ATP13A2: variants seen among roughly 807,000 people sequenced by gnomAD.
ATP13A2 encodes ATPase cation transporting 13A2.
In ATP13A2, 83 loss-of-function variants were observed where a neutral mutation model predicts 138.3. That is an observed-to-expected ratio of 0.60 (90% CI 0.50 to 0.72). ATP13A2 has a LOEUF of 0.72. ATP13A2 is among the 30% of genes least tolerant of loss of function. The pLI, the probability that ATP13A2 is intolerant of heterozygous loss-of-function variation, is 0.00. For synonymous variants in ATP13A2, 663 were observed against 699.0 expected (o/e 0.95, Z 0.81); for missense variants, 1,402 against 1,606.4 (o/e 0.87, Z 2.17).
chr1:17,006,293 C>T (rs2101149306), intron 1 of ATP13A2, among the ~76,000 whole-genome samples: 1 of 151,030 alleles, frequency 6.6e-6, no homozygotes, highest in African/African-American at 2.4e-5. Flanking sequence ...CTCTGTCACC[C>T]AGGCTGGAGT....
At chr1:16,992,433 G>A in intron 17 of ATP13A2, 31 bp from the exon 18 acceptor site, 1 of 1,613,530 alleles carries the variant, frequency 6.2e-7, no homozygotes, top group Non-Finnish European at 8.5e-7. Flanking sequence ...CTGAGGTGCT[G>A]GCTGGGGAGC....
At chr1:17,006,036 G>A (rs1417039645) in intron 1 of ATP13A2, among the ~76,000 whole-genome samples, 1 of 152,106 alleles carries the variant, frequency 6.6e-6, no homozygotes, top group African/African-American at 2.4e-5. Flanking sequence ...TCAGGAGGCT[G>A]AGGCAGGGGA....
Position 16,989,690 on chromosome 1 carries a change from C to G in ATP13A2, c.2609+1G>C. 6.2e-7 allele frequency: 1 copy of G among 1,614,118 alleles called. No individual in the cohort carries two copies. Among genetic ancestry groups the G allele is most frequent in the Non-Finnish European group, 8.5e-7 (1 of 1,180,030 alleles). On this transcript the variant is annotated splice_donor_variant, in intron 23 of 28. Transcript: ENST00000326735. LOFTEE classifies it high-confidence loss of function. Reference sequence around the variant, plus strand: ...GCCCACACCCTCTGCCGAGCACTCACTGAAGCTTCTGTAGCTCGCACACCA... The same window carrying G: ...GCCCACACCCTCTGCCGAGCACTCAGTGAAGCTTCTGTAGCTCGCACACCA...
rs777106683 is a variant in ATP13A2 at position 17,000,395 on chromosome 1, C to T, written c.840+5G>A. 4 of 1,611,334 alleles carry T rather than the reference C, an allele frequency of 2.5e-6. No individual in the cohort carries two copies. The highest frequency in any genetic ancestry group is 3.4e-6 in the Non-Finnish European group (4 of 1,178,774). On this transcript the variant is annotated splice_donor_5th_base_variant and intron_variant, in intron 9 of 28. Transcript: ENST00000326735. Reference sequence around the variant, plus strand: ...TCCCGTCCCCACCCACCTTATGGCACTCACCTTTCTGGTCTTGTACAGCGA... The same window carrying T: ...TCCCGTCCCCACCCACCTTATGGCATTCACCTTTCTGGTCTTGTACAGCGA...
intron 1 of ATP13A2, 72 bp from the exon 2 acceptor site, chr1:17,005,850 T>A: frequency 6.9e-7 from 1 of 1,444,266 alleles, no homozygotes; most frequent in Non-Finnish European, 9.5e-7. Context: ...ACAATAAACA[T>A]CAGCCTGGGC....
chr1:17,008,511 G>A (rs1403386376), intron 1 of ATP13A2, among the ~76,000 whole-genome samples: 2 of 152,108 alleles, frequency 1.3e-5, no homozygotes, highest in African/African-American at 4.8e-5. Flanking sequence ...TGGACAGGTG[G>A]GCAGGACCCG....
intron 20 of ATP13A2, 30 bp from the exon 21 acceptor site, chr1:16,990,317 G>A (rs2076886523): frequency 6.2e-7 from 1 of 1,613,030 alleles, no homozygotes; most frequent in Non-Finnish European, 8.5e-7. Flanking sequence ...GTGAGGGTCT[G>A]AGGCTATCCG....
chr1:16,987,063 C>T lies in ATP13A2; in HGVS notation c.3066G>A (p.Leu1022=). ...CTACTCACCATGGCTGGGCCAGGGT[C>T]AGGAAGTAGCCCCCTAGCTGCACGC... The part of the protein sequence containing the change: ...VTGVQLGGYF[L]TLAQPWFVPL... Residue 1022 remains leucine, a synonymous_variant, in exon 26 of 29, where the codon CTG becomes CTA. Coordinates refer to ENST00000326735, the MANE Select transcript of ATP13A2 (RefSeq NM_022089.4). 6.2e-7 allele frequency: 1 copy of T among 1,613,460 alleles called. No individual in the cohort carries two copies. The highest frequency in any genetic ancestry group is 1.1e-5 in the South Asian group (1 of 91,082).
In ATP13A2 at chr1:17,004,420, G is replaced by A; in HGVS notation, c.478-9C>T. On this transcript the variant is annotated splice_polypyrimidine_tract_variant and intron_variant, in intron 5 of 28. Coordinates refer to ENST00000326735, the MANE Select transcript of ATP13A2 (RefSeq NM_022089.4). The surrounding 1 kb of genome is among the most constrained non-coding windows in gnomAD (Gnocchi z 4.1). ...TACCGCAGCACCCGCTTCTGGGTGG[G>A]AGAGAGGAGAGGATGGGTTGGAAGC... The A allele has an allele frequency of 6.2e-7, 1 of 1,613,962 alleles. No homozygotes were observed. Among genetic ancestry groups the A allele is most frequent in the Non-Finnish European group, 8.5e-7 (1 of 1,179,928 alleles).
At position 16,986,571 on chromosome 1, in the gene ATP13A2, G is replaced by A. The variant is rs756650754; in HGVS notation, c.3297C>T (p.Pro1099=). ...GCGCCAGCGGCCCCTGCAGGAGGCC[G>A]GGGACCAGGACAAGGCCCACCAGGA... is the stretch of plus-strand genomic sequence containing the variant. The part of the protein sequence containing the change: ...SSVLVGLVLV[P]GLLQGPLALR... Residue 1099 remains proline (P), a synonymous_variant, in exon 28 of 29, where the codon CCC becomes CCT. Transcript: ENST00000326735. The surrounding 1 kb of genome is among the most constrained non-coding windows in gnomAD (Gnocchi z 6.9). The A allele has an allele frequency of 2.9e-5, 46 of 1,611,530 alleles. No homozygotes were observed. Among genetic ancestry groups the A allele is most frequent in the Admixed American group, 1.8e-4 (11 of 59,972 alleles).
intron 11 of ATP13A2, among the ~76,000 whole-genome samples, chr1:16,999,253 A>G (rs2077253101): frequency 6.6e-6 from 1 of 151,840 alleles, no homozygotes; most frequent in African/African-American, 2.4e-5. Context: ...GGTGGCGCAC[A>G]CCTGTAATCC....
At position 16,995,557 on chromosome 1, in the gene ATP13A2, C is replaced by T; in HGVS notation, c.1542+419G>A. On this transcript the variant is annotated intron_variant, in intron 15 of 28. Coordinates refer to ENST00000326735, the MANE Select transcript of ATP13A2 (RefSeq NM_022089.4). The surrounding 1 kb of genome is among the most constrained non-coding windows in gnomAD (Gnocchi z 4.1). ...GGCTCACTGCAACCTCTGCGATTCT[C>T]CTGCCTCAGCCTCCCGAGTAGCTGG... 3.0e-6 allele frequency: 1 copy of T among 330,176 alleles called. No homozygotes were observed. 20.5% of individuals were successfully genotyped at this position (330,176 alleles called of 1,614,324 possible).
intron 1 of ATP13A2, among the ~76,000 whole-genome samples, chr1:17,010,026 G>T (rs926702): frequency 0.42 from 63,646 of 151,718 alleles, 14,966 homozygotes; most frequent in Non-Finnish European, 0.54. Flanking sequence ...CACAGGCTGT[G>T]TGGGGGGGCG....
Position 16,986,750 on chromosome 1 carries a change from C to A in ATP13A2, c.3235+55G>T. The A allele has an allele frequency of 1.1e-6, 1 of 905,264 alleles. No homozygotes were observed. The allele number at this position is 905,264 out of a possible 1,614,324, so 56.1% of individuals were successfully genotyped here. On this transcript the variant is annotated intron_variant, in intron 27 of 28. Coordinates refer to ENST00000326735, the MANE Select transcript of ATP13A2 (RefSeq NM_022089.4). The surrounding 1 kb of genome is among the most constrained non-coding windows in gnomAD (Gnocchi z 6.9). ...TCTCTCCCATCTGCCTCCCCAGCAC[C>A]CCAGGGCTCCTCCCTCCCTCCGCCA...
rs556418739 is a variant in ATP13A2, at chr1:16,988,450, G to A, written c.2634C>T (p.Asp878=). 5.6e-5 allele frequency: 90 copies of A among 1,613,884 alleles called. No individual in the cohort carries two copies. In the South Asian group the frequency reaches 6.6e-4, roughly 12 times the overall value. The part of the protein sequence containing the change: ...KLQYCVGMCG[D]GANDCGALKA... The stretch of plus-strand genomic sequence containing the variant: ...TCAGGGCCCCACAGTCATTGGCGCC[G>A]TCTCCGCACATGCCCACGCAGTACC... Residue 878 remains aspartate, a synonymous_variant, in exon 24 of 29, where the codon GAC becomes GAT. Coordinates refer to ENST00000326735, the MANE Select transcript of ATP13A2 (RefSeq NM_022089.4).
In ATP13A2 at chr1:17,005,787, A is replaced by G; in HGVS notation, c.11-9T>C. The G allele has an allele frequency of 6.2e-7, 1 of 1,604,280 alleles. No homozygotes were observed. The highest frequency in any genetic ancestry group is 1.1e-5 in the South Asian group (1 of 89,426). On this transcript the variant is annotated splice_polypyrimidine_tract_variant and intron_variant, in intron 1 of 28. Transcript: ENST00000326735. ...CACGAGAGGGCTGCTGTCTGTGGAC[A>G]GAAAAGAGAAAGGTCATTTGGGGAG...
At chr1:17,008,859 G>C (rs2077667318) in intron 1 of ATP13A2, among the ~76,000 whole-genome samples, 1 of 151,884 alleles carries the variant, frequency 6.6e-6, no homozygotes, top group Admixed American at 6.6e-5. Flanking sequence ...AGCTACTTGG[G>C]AGGCTGAGGC....
chr1:16,986,410 A>G lies in ATP13A2; in HGVS notation c.3406-52T>C, dbSNP rs759241323. ...GGCAGCCGGGGCTGAGCTGGGGTCA[A>G]TGCACCCCCACCTCCCTTCTCTCCC... On this transcript the variant is annotated intron_variant, in intron 28 of 28. Transcript: ENST00000326735. This position sits in a 1 kb window ranked among gnomAD's most constrained non-coding sequence, Gnocchi z 6.9. The G allele has an allele frequency of 1.9e-5, 30 of 1,602,752 alleles. No homozygotes were observed. Among genetic ancestry groups the G allele is most frequent in the African/African-American group, 2.7e-5 (2 of 74,688 alleles).
intron 20 of ATP13A2, among the ~76,000 whole-genome samples, 153 bp downstream of exon 20, chr1:16,991,581 A>G (rs559745901): frequency 1.3e-5 from 2 of 152,136 alleles, no homozygotes; most frequent in Admixed American, 1.3e-4. Context: ...TGCGGGGGGG[A>G]TATTGTGAAG....
Sources: gnomAD v4.1 joint callset for allele counts (sites outside exome capture counted in the v4.1 genomes callset) on GRCh38, gnomAD v4.1.1 for gene constraint, Gnocchi (gnomAD v3.1) non-coding constraint, MANE v1.5 for transcripts, NCBI Gene and HGNC (gene_info 2026-07-23, HGNC 2026-07-21) for gene names.